FKBP6: variants seen among roughly 807,000 people sequenced by gnomAD.
FKBP6 encodes the protein inactive peptidyl-prolyl cis-trans isomerase FKBP6.
In FKBP6, 29 loss-of-function variants were observed where a neutral mutation model predicts 41.7. The observed-to-expected ratio is 0.70, with a 90% confidence interval of 0.52 to 0.95. The LOEUF is 0.95. Among genes scored for constraint, FKBP6 ranks in the 40% least tolerant of loss-of-function variants. FKBP6 has a pLI of 0.00. For synonymous variants in FKBP6, 130 were observed against 165.1 expected (o/e 0.79, Z 1.63); for missense variants, 338 against 408.7 (o/e 0.83, Z 1.49).
At position 73,358,453 on chromosome 7, in the gene FKBP6, A is replaced by T. The variant is rs1805698270; in HGVS notation, c.*275A>T. 6.6e-6 allele frequency: 1 copy of T among 152,582 alleles called. No homozygotes were observed. Among genetic ancestry groups the T allele is most frequent in the Admixed American group, 6.5e-5 (1 of 15,280 alleles). 9.5% of individuals were successfully genotyped at this position (152,582 alleles called of 1,614,324 possible). A position where few individuals can be genotyped will look rare whatever the true frequency, so the allele number is the denominator to read the frequency against. On this transcript the variant is annotated 3_prime_UTR_variant, in exon 9 of 9. Coordinates refer to ENST00000252037, the MANE Select transcript of FKBP6 (RefSeq NM_003602.5). ...GCAGTTTCTTGTTTTTTTAGACGGA[A>T]TTAGTCCTTGGCTTCCCTCCCAGTC...
In FKBP6 at chr7:73,352,849, A is replaced by G. The variant is rs532411568; in HGVS notation, c.*3-5332A>G. ...ATTGTCAGCATCAGTCCAAACAGAAAAGGCAGCAAGAGGCAGACAGAGGGG... is the reference window on the plus strand; with the variant it reads ...ATTGTCAGCATCAGTCCAAACAGAAGAGGCAGCAAGAGGCAGACAGAGGGG... On this transcript the variant is annotated intron_variant, in intron 8 of 8. Coordinates refer to ENST00000252037, the MANE Select transcript of FKBP6 (RefSeq NM_003602.5). 2.0e-5 allele frequency among the ~76,000 whole-genome samples: 3 copies of G among 152,198 alleles called. No homozygotes were observed. In the South Asian group the frequency reaches 6.2e-4, roughly 32 times the overall value.
chr7:73,348,683 G>A (rs1156822352), intron 8 of FKBP6, among the ~76,000 whole-genome samples: 2 of 152,206 alleles, frequency 1.3e-5, no homozygotes, highest in African/African-American at 4.8e-5. Flanking sequence ...TTGTCCCTGT[G>A]CTTCTTACTA....
At chr7:73,345,362 T>C (rs1554550158) in intron 8 of FKBP6, among the ~76,000 whole-genome samples, 1 of 152,040 alleles carries the variant, frequency 6.6e-6, no homozygotes, top group East Asian at 1.9e-4. Flanking sequence ...CCCTCGGCTT[T>C]GTTTTCTCCC....
chr7:73,354,508 G>A (rs1450681619), intron 8 of FKBP6, among the ~76,000 whole-genome samples: 1 of 152,224 alleles, frequency 6.6e-6, no homozygotes, highest in African/African-American at 2.4e-5. Flanking sequence ...GAGGACTGCC[G>A]CCTTGCGGGC....
chr7:73,351,172 G>A (rs191295984), intron 8 of FKBP6, among the ~76,000 whole-genome samples: 5 of 152,236 alleles, frequency 3.3e-5, no homozygotes, highest in Admixed American at 1.3e-4. Context: ...GTTCGCCACA[G>A]ACATGCGCTA....
At chr7:73,335,621 G>A (rs1337727508) in intron 5 of FKBP6, among the ~76,000 whole-genome samples, 2 of 152,138 alleles carry the variant, frequency 1.3e-5, no homozygotes, top group African/African-American at 4.8e-5. Flanking sequence ...GGCAGTGGAC[G>A]GGGTGGGGAA....
At chr7:73,343,501 G>T (rs371434479) in intron 8 of FKBP6, among the ~76,000 whole-genome samples, 1 of 152,098 alleles carries the variant, frequency 6.6e-6, no homozygotes, top group South Asian at 2.1e-4. Context: ...CAACTTGACT[G>T]TGTCTCTAAC....
intron 7 of FKBP6, 50 bp downstream of exon 7, chr7:73,341,432 C>A: frequency 8.8e-7 from 1 of 1,132,040 alleles, no homozygotes; most frequent in Non-Finnish European, 1.3e-6. Flanking sequence ...GGTTGTGACT[C>A]TGGTCTGTCC....
chr7:73,353,901 T>C (rs1805559405), intron 8 of FKBP6, among the ~76,000 whole-genome samples: 1 of 152,162 alleles, frequency 6.6e-6, no homozygotes, highest in Non-Finnish European at 1.5e-5. Flanking sequence ...GCCCGGCTTA[T>C]TTTTGTTATT....
chr7:73,349,546 CAAAAAAAAAAAAA>C (rs1175280907), intron 8 of FKBP6, among the ~76,000 whole-genome samples: 1 of 48,692 alleles, frequency 2.1e-5, no homozygotes, highest in Non-Finnish European at 4.4e-5. Context: ...TACTAAAATA[CAAAAAAAAAAAAA>C]AAAAAAAATA....
intron 8 of FKBP6, among the ~76,000 whole-genome samples, chr7:73,344,348 C>A (rs1189181846): frequency 6.6e-6 from 1 of 152,238 alleles, no homozygotes; most frequent in African/African-American, 2.4e-5. Flanking sequence ...GGCTGCTGAT[C>A]TTCAGATGCT....
At chr7:73,329,046 C>T (rs564032345) in intron 2 of FKBP6, among the ~76,000 whole-genome samples, 17 of 152,086 alleles carry the variant, frequency 1.1e-4, no homozygotes, top group Non-Finnish European at 2.4e-4. Flanking sequence ...CCCAAGTGAG[C>T]CTCCCACCTC....
chr7:73,335,906 G>A (rs1365709197), intron 5 of FKBP6, among the ~76,000 whole-genome samples: 1 of 152,188 alleles, frequency 6.6e-6, no homozygotes, highest in Non-Finnish European at 1.5e-5. Context: ...TGAGCCAGAG[G>A]TTTTGCACGT....
At chr7:73,343,036 C>T (rs782315492) in intron 8 of FKBP6, 137 bp downstream of exon 8, 1 of 728,232 alleles carries the variant, frequency 1.4e-6, no homozygotes, top group Non-Finnish European at 2.5e-6. Context: ...TAAAGAACAA[C>T]ACAACGGTAG....
rs200749999 is a variant in FKBP6 at position 73,341,306 on chromosome 7, C to G, written c.817C>G (p.Arg273Gly). The G allele has an allele frequency of 2.5e-6, 4 of 1,613,372 alleles. No individual in the cohort carries two copies. The African/African-American group carries it at 5.3e-5, about 22-fold the overall frequency. ...TCTCCTGACTGAGTATCAAAAGGCC[C>G]GGGATTTTCTAGTTCGAGCCCAGAA... ...CLLLTEYQKA[R>G]DFLVRAQKEQ... The change falls in exon 7 of 9, where the codon CGG becomes GGG. Residue 273 changes from arginine to glycine, a missense_variant. This residue lies in a region of FKBP6 where 239 missense variants were observed against 250.1 expected (regional missense o/e 0.96). Coordinates refer to ENST00000252037, the MANE Select transcript of FKBP6 (RefSeq NM_003602.5).
chr7:73,352,317 A>G (rs1805512302), intron 8 of FKBP6, among the ~76,000 whole-genome samples: 1 of 152,188 alleles, frequency 6.6e-6, no homozygotes, highest in African/African-American at 2.4e-5. Context: ...CTTCATGAAG[A>G]CCGTCAGATA....
intron 8 of FKBP6, among the ~76,000 whole-genome samples, chr7:73,348,417 C>T (rs1805395677): frequency 6.6e-6 from 1 of 152,204 alleles, no homozygotes; most frequent in South Asian, 2.1e-4. Flanking sequence ...TTCTAGGCTT[C>T]CGTCCACATC....
chr7:73,341,485 G>C, intron 7 of FKBP6, 103 bp downstream of exon 7: 1 of 817,532 alleles, frequency 1.2e-6, no homozygotes, highest in Non-Finnish European at 2.1e-6. Context: ...GTGTTGCCCA[G>C]AGTGTTAGGA....
chr7:73,350,822 G>A (rs1805468885), intron 8 of FKBP6, among the ~76,000 whole-genome samples: 1 of 152,044 alleles, frequency 6.6e-6, no homozygotes, highest in African/African-American at 2.4e-5. Flanking sequence ...GAGGCCTCTG[G>A]GGCCAGGGGT....
Sources: gnomAD v4.1 joint callset for allele counts (sites outside exome capture counted in the v4.1 genomes callset) on GRCh38, gnomAD v4.1.1 for gene constraint, gnomAD v4.1.1 regional missense constraint, MANE v1.5 for transcripts, NCBI Gene and HGNC (gene_info 2026-07-23, HGNC 2026-07-21) for gene names.